The following TAB2 variants were observed in gnomAD, a reference collection of about 807,000 sequenced individuals.
The protein encoded by TAB2 is TGF-beta-activated kinase 1 and MAP3K7-binding protein 2.
A neutral mutation model predicts 65.0 loss-of-function variants in TAB2; 3 were observed. The ratio of observed to expected loss-of-function variants is 0.05; its 90% confidence interval spans 0.02 to 0.12. TAB2 has a LOEUF of 0.12. Among genes scored for constraint, TAB2 ranks in the 10% least tolerant of loss-of-function variants. TAB2 has a pLI of 1.00. For missense variants in TAB2, 623 were observed against 840.3 expected (o/e 0.74, Z 3.20); for synonymous variants, 298 against 285.1 (o/e 1.05, Z -0.46).
chr6:149,384,127 G>A (rs1010533771), intron 3 of TAB2, among the ~76,000 whole-genome samples: 8 of 152,094 alleles, frequency 5.3e-5, no homozygotes, highest in Admixed American at 2.0e-4. Flanking sequence ...TTTTTCTAAT[G>A]CTCCTGGAAA....
chr6:149,373,821 C>A (rs1781310477), intron 2 of TAB2, among the ~76,000 whole-genome samples: 1 of 152,112 alleles, frequency 6.6e-6, no homozygotes, highest in African/African-American at 2.4e-5. Context: ...CTAAAAGTAA[C>A]CAGGGCTGCT....
intron 5 of TAB2, among the ~76,000 whole-genome samples, chr6:149,398,580 G>A (rs1292413604): frequency 6.6e-6 from 1 of 152,022 alleles, no homozygotes; most frequent in African/African-American, 2.4e-5. Context: ...TGTTGATTAA[G>A]CTATTTATCT....
At chr6:149,275,776 G>A (rs1778460638) in intron 1 of TAB2, among the ~76,000 whole-genome samples, 1 of 152,134 alleles carries the variant, frequency 6.6e-6, no homozygotes, top group Admixed American at 6.5e-5. Context: ...TTGACTATGT[G>A]GTCTTTTTCC....
At chr6:149,368,645 TTGTGTGTGTGTG>T (rs3056968) in intron 1 of TAB2, among the ~76,000 whole-genome samples, 35 of 147,600 alleles carry the variant, frequency 2.4e-4, no homozygotes, top group East Asian at 2.4e-3. Flanking sequence ...ATGCGAAAAT[TTGTGTGTGTGTG>T]TGTGTGTGTG....
chr6:149,396,368 AT>A (rs1272142994), intron 3 of TAB2, among the ~76,000 whole-genome samples: 2 of 151,808 alleles, frequency 1.3e-5, no homozygotes, highest in South Asian at 2.1e-4. Flanking sequence ...CTCTTCTTTC[AT>A]TTTTTCTGTC....
Position 149,406,620 on chromosome 6 carries a change from T to TA in TAB2, c.1940-2956dup, listed in dbSNP as rs573548344. Among the ~76,000 whole-genome samples the TA allele has an allele frequency of 1.7e-3, 257 of 152,348 alleles. 1 individual carries two copies. Among genetic ancestry groups the TA allele is most frequent in the Middle Eastern group, 3.4e-3 (1 of 294 alleles). ...AGAAATGGGAACAAGGAAGAACTAG[T>TA]ATATTACTGGTCTTTAGTTTGTTAC... On this transcript the variant is annotated intron_variant, in intron 6 of 6. Coordinates refer to ENST00000637181, the MANE Select transcript of TAB2 (RefSeq NM_001292034.3).
At chr6:149,260,732 T>C (rs1583052853) in intron 1 of TAB2, among the ~76,000 whole-genome samples, 1 of 152,156 alleles carries the variant, frequency 6.6e-6, no homozygotes, top group Admixed American at 6.6e-5. Context: ...GAAGGGAGCC[T>C]GCTGGGTGCT....
At chr6:149,296,471 G>C (rs1193113544) in intron 1 of TAB2, among the ~76,000 whole-genome samples, 1 of 151,948 alleles carries the variant, frequency 6.6e-6, no homozygotes, top group Non-Finnish European at 1.5e-5. Flanking sequence ...TTCCATGTTT[G>C]GCCTAAAAAT....
intron 1 of TAB2, among the ~76,000 whole-genome samples, chr6:149,336,173 T>C (rs1554259857): frequency 1.3e-5 from 2 of 152,166 alleles, no homozygotes; most frequent in Non-Finnish European, 2.9e-5. Context: ...TTAACCAATA[T>C]GTTTGGAATG....
chr6:149,277,018 C>G (rs1210699733), intron 1 of TAB2, among the ~76,000 whole-genome samples: 1 of 152,100 alleles, frequency 6.6e-6, no homozygotes, highest in East Asian at 1.9e-4. Context: ...AAAGGGTTGC[C>G]CCTTTCACTT....
intron 2 of TAB2, among the ~76,000 whole-genome samples, chr6:149,373,280 CTT>C (rs1411679142): frequency 6.6e-6 from 1 of 152,166 alleles, no homozygotes; most frequent in Non-Finnish European, 1.5e-5. Flanking sequence ...TTTAAATTCT[CTT>C]AACATGACGA....
intron 1 of TAB2, among the ~76,000 whole-genome samples, chr6:149,344,203 T>C (rs1780217289): frequency 6.6e-6 from 1 of 152,222 alleles, no homozygotes; most frequent in South Asian, 2.1e-4. Context: ...AAGTAGAAAT[T>C]GAAGAAGGAA....
At chr6:149,395,942 A>G (rs1480366600) in intron 3 of TAB2, among the ~76,000 whole-genome samples, 1 of 152,112 alleles carries the variant, frequency 6.6e-6, no homozygotes, top group Non-Finnish European at 1.5e-5. Flanking sequence ...AAACATTTTC[A>G]GCCAATATCT....
intron 6 of TAB2, among the ~76,000 whole-genome samples, chr6:149,407,670 T>A (rs1212212004): frequency 6.6e-6 from 1 of 152,142 alleles, no homozygotes; most frequent in African/African-American, 2.4e-5. Flanking sequence ...CTTCATAATG[T>A]AGAGATTTTT....
At chr6:149,318,064 T>TCCCCTCATCGCCCCGCACC (rs1779310955) in intron 1 of TAB2, 49 bp downstream of exon 1, 1 of 156,568 alleles carries the variant, frequency 6.4e-6, no homozygotes, top group Non-Finnish European at 1.4e-5. Flanking sequence ...AACCTGGCTC[T>TCCCCTCATCGCCCCGCACC]CCCCTCATCG....
intron 1 of TAB2, chr6:149,247,740 G>A (rs996519634): frequency 1.3e-5 from 2 of 152,246 alleles, no homozygotes; most frequent in East Asian, 1.9e-4. Flanking sequence ...GAGCTGTAAC[G>A]ACACAGGGTG....
At chr6:149,245,767 G>A (rs1777699337) in intron 1 of TAB2, among the ~76,000 whole-genome samples, 1 of 152,164 alleles carries the variant, frequency 6.6e-6, no homozygotes. Context: ...TCATCTTACT[G>A]AGAATCGTAC....
At chr6:149,281,648 A>G (rs2114686013) in intron 1 of TAB2, among the ~76,000 whole-genome samples, 1 of 152,002 alleles carries the variant, frequency 6.6e-6, no homozygotes, top group Middle Eastern at 3.4e-3. Context: ...TGGCACAAAT[A>G]GAAAACAAAC....
chr6:149,257,754 G>C (rs1257129520), intron 1 of TAB2, among the ~76,000 whole-genome samples: 1 of 152,108 alleles, frequency 6.6e-6, no homozygotes, highest in Non-Finnish European at 1.5e-5. Flanking sequence ...ATTTTAACAA[G>C]CTCCCCTGAT....
Sources: gnomAD v4.1 joint callset for allele counts (sites outside exome capture counted in the v4.1 genomes callset) on GRCh38, gnomAD v4.1.1 for gene constraint, MANE v1.5 for transcripts, NCBI Gene and HGNC (gene_info 2026-07-23, HGNC 2026-07-21) for gene names.